Variants in EFCAB8 observed in about 807,000 individuals in gnomAD.
The protein encoded by EFCAB8 is EF-hand calcium binding domain 8.
EFCAB8 carries 100 observed loss-of-function variants against 116.3 expected under a neutral mutation model. The observed-to-expected ratio is 0.86, with a 90% confidence interval of 0.73 to 1.02. The LOEUF (loss-of-function observed/expected upper bound fraction) is 1.02. Ranked by LOEUF, EFCAB8 falls within the 50% of genes least tolerant of loss-of-function variation. The pLI is 0.00. For synonymous variants in EFCAB8, 558 were observed against 567.9 expected (o/e 0.98, Z 0.25); for missense variants, 1,320 against 1,416.9 (o/e 0.93, Z 1.10).
intron 22 of EFCAB8, among the ~76,000 whole-genome samples, chr20:32,932,317 C>T (rs112231130): frequency 1.4e-4 from 22 of 151,974 alleles, no homozygotes; most frequent in Middle Eastern, 3.4e-3. Context: ...GTGGAGGTTG[C>T]AGTGAGCCTA....
chr20:32,935,188 C>CTTTTTTTT lies in EFCAB8; in HGVS notation c.2790+3855_2790+3856insTTTTTTTT, dbSNP rs754022404. On this transcript the variant is annotated intron_variant, in intron 22 of 26. Transcript: ENST00000400522. ...TCTCTTCTCTTTTCTTTCTTTCTTT[C>CTTTTTTTT]TTTCTTTTTTTTTTTTTTTTTTTTT... Among the ~76,000 whole-genome samples the CTTTTTTTT allele has an allele frequency of 2.1e-3, 138 of 66,848 alleles. 2 individuals carry two copies. The highest frequency in any genetic ancestry group is 2.4e-3 in the Non-Finnish European group (91 of 37,342). The allele number at this position is 66,848 out of a possible 152,430, so 43.9% of individuals were successfully genotyped here. A position where few individuals can be genotyped will look rare whatever the true frequency, so the allele number is the denominator to read the frequency against.
chr20:32,885,770 C>A, intron 6 of EFCAB8, 130 bp downstream of exon 6: 1 of 1,188,480 alleles, frequency 8.4e-7, no homozygotes, highest in East Asian at 2.6e-5. Flanking sequence ...GCAGTCACAG[C>A]ACCTGGGTCC....
chr20:32,867,867 A>C, intron 3 of EFCAB8, 120 bp downstream of exon 3: 1 of 1,157,876 alleles, frequency 8.6e-7, no homozygotes, highest in Non-Finnish European at 1.2e-6. Context: ...TTGAGACAGG[A>C]TATTGCTCTG....
intron 2 of EFCAB8, 23 bp from the exon 3 acceptor site, chr20:32,867,558 TG>T (rs748888557): frequency 6.5e-7 from 1 of 1,549,342 alleles, no homozygotes. Context: ...GCTCAGTCCC[TG>T]GTTCTTGTTA....
chr20:32,907,077 C>T (rs147186752), intron 13 of EFCAB8, 83 bp downstream of exon 13: 35 of 1,443,078 alleles, frequency 2.4e-5, no homozygotes, highest in African/African-American at 1.7e-4. Context: ...TCCCTGCCCA[C>T]GGCCCCACAT....
At chr20:32,947,885 A>G (rs1364369770) in intron 23 of EFCAB8, among the ~76,000 whole-genome samples, 6 of 151,008 alleles carry the variant, frequency 4.0e-5, no homozygotes, top group African/African-American at 1.5e-4. Flanking sequence ...AGGCAACATA[A>G]CAAGACCCCA....
chr20:32,940,541 A>G (rs1988373944), intron 22 of EFCAB8, among the ~76,000 whole-genome samples: 1 of 149,928 alleles, frequency 6.7e-6, no homozygotes, highest in Non-Finnish European at 1.5e-5. Flanking sequence ...ATATGACACC[A>G]AAAACAAGCT....
At chr20:32,923,048 G>C (rs1028992657) in intron 20 of EFCAB8, among the ~76,000 whole-genome samples, 12 of 152,146 alleles carry the variant, frequency 7.9e-5, no homozygotes, top group East Asian at 3.9e-4. Context: ...AGCCAGGTTT[G>C]ATAGTGTGCA....
At chr20:32,936,287 G>A (rs948485881) in intron 22 of EFCAB8, among the ~76,000 whole-genome samples, 1 of 152,110 alleles carries the variant, frequency 6.6e-6, no homozygotes, top group African/African-American at 2.4e-5. Flanking sequence ...GCCTGACTCA[G>A]CCTCCCAAAG....
chr20:32,959,491 A>G (rs1161774645), intron 24 of EFCAB8, among the ~76,000 whole-genome samples: 5 of 152,226 alleles, frequency 3.3e-5, no homozygotes, highest in African/African-American at 9.6e-5. Flanking sequence ...ATGTTTAAAT[A>G]GTCCACAAGG....
intron 22 of EFCAB8, among the ~76,000 whole-genome samples, chr20:32,933,962 G>T (rs1052545221): frequency 6.6e-6 from 1 of 151,954 alleles, no homozygotes; most frequent in African/African-American, 2.4e-5. Flanking sequence ...GGGCAACAAA[G>T]TGAGACTCCG....
At chr20:32,864,867 GCTGTCATTTATTGTGTAATTACAGTTTA>G (rs1284346889) in intron 2 of EFCAB8, among the ~76,000 whole-genome samples, 2 of 152,182 alleles carry the variant, frequency 1.3e-5, no homozygotes, top group Admixed American at 6.5e-5. Flanking sequence ...AATAACAAGA[GCTGTCATTTATTGTGTAATTACAGTTTA>G]CTGGGGCTTC....
At chr20:32,897,439 C>CT (rs10693739) in intron 10 of EFCAB8, among the ~76,000 whole-genome samples, 25,809 of 136,166 alleles carry the variant, frequency 0.19, 2,616 homozygotes, top group Non-Finnish European at 0.23. Flanking sequence ...CCTGCACTGA[C>CT]TTTTTTTTTT....
At chr20:32,908,848 G>A (rs1986797119) in intron 14 of EFCAB8, among the ~76,000 whole-genome samples, 1 of 152,218 alleles carries the variant, frequency 6.6e-6, no homozygotes, top group Admixed American at 6.5e-5. Context: ...CAGCATCTCT[G>A]CAGGAGAGAC....
In EFCAB8 at chr20:32,920,363, G is replaced by A. The variant is rs747627910; in HGVS notation, c.2412+148G>A. 4.6e-5 allele frequency: 52 copies of A among 1,133,080 alleles called. 1 individual carries two copies. Among genetic ancestry groups the A allele is most frequent in the Admixed American group, 8.6e-5 (3 of 34,862 alleles). The allele number at this position is 1,133,080 out of a possible 1,614,324, so 70.2% of individuals were successfully genotyped here. A position where few individuals can be genotyped will look rare whatever the true frequency, so the allele number is the denominator to read the frequency against. On this transcript the variant is annotated intron_variant, in intron 20 of 26. Transcript: ENST00000400522. ...AAGGCATCTTGGAGAGGATGGAGAC[G>A]CTCAGGATACTGGAGTCAGGGCTGC... is the stretch of plus-strand genomic sequence containing the variant.
intron 15 of EFCAB8, 44 bp downstream of exon 15, chr20:32,909,975 G>A (rs1280932240): frequency 6.5e-6 from 7 of 1,069,450 alleles, no homozygotes; most frequent in Non-Finnish European, 7.3e-6. Flanking sequence ...GGGAACACCA[G>A]GTGACACGGG....
intron 2 of EFCAB8, among the ~76,000 whole-genome samples, chr20:32,866,795 C>CCCTCCCTCCCTCCCTCTCTT (rs1984430564): frequency 7.6e-6 from 1 of 130,890 alleles, no homozygotes; most frequent in Non-Finnish European, 1.6e-5. Context: ...TTCCTTCCTT[C>CCCTCCCTCCCTCCCTCTCTT]CCTCCCTCCC....
rs1033376116 is a variant in EFCAB8 at position 32,960,303 on chromosome 20, A to G, written c.3393+142A>G. ...TTGTCCTTTAACAGGATTCTGGGCC[A>G]TGGACAGGTCTGGGATGAGACTAAT... is the stretch of plus-strand genomic sequence containing the variant. On this transcript the variant is annotated intron_variant, in intron 26 of 26. Coordinates refer to ENST00000400522, the MANE Select transcript of EFCAB8 (RefSeq NM_001143967.2). 9 of 820,252 alleles carry G rather than the reference A, an allele frequency of 1.1e-5. 1 individual carries two copies. In the Admixed American group the frequency reaches 1.7e-4, roughly 16 times the overall value. 50.8% of individuals were successfully genotyped at this position (820,252 alleles called of 1,614,324 possible). A position where few individuals can be genotyped will look rare whatever the true frequency, so the allele number is the denominator to read the frequency against.
rs1026762353 is a variant in EFCAB8 at position 32,939,153 on chromosome 20, T to C, written c.2791-4483T>C. On this transcript the variant is annotated intron_variant, in intron 22 of 26. Coordinates refer to ENST00000400522, the MANE Select transcript of EFCAB8 (RefSeq NM_001143967.2). ...TTTCTTTCTTTCTTTCTTTCTTTCT[T>C]TCTTTCTTTCTTTCTTTCTTTCTTT... 1.7e-4 allele frequency among the ~76,000 whole-genome samples: 14 copies of C among 80,502 alleles called. No individual in the cohort carries two copies. In the South Asian group the frequency reaches 4.9e-3, roughly 28 times the overall value. 52.8% of individuals were successfully genotyped at this position (80,502 alleles called of 152,430 possible).
Sources: gnomAD v4.1 joint callset for allele counts (sites outside exome capture counted in the v4.1 genomes callset) on GRCh38, gnomAD v4.1.1 for gene constraint, MANE v1.5 for transcripts, NCBI Gene and HGNC (gene_info 2026-07-23, HGNC 2026-07-21) for gene names.